Variants in HEMK2 observed in about 807,000 individuals in gnomAD.
The protein encoded by HEMK2 is methyltransferase HEMK2.
chr21:28,578,561 G>A, the HEMK2 span, among the ~76,000 whole-genome samples: 2 of 152,168 alleles, frequency 1.3e-5, no homozygotes, highest in African/African-American at 2.4e-5. Flanking sequence ...AGGTGTGGGA[G>A]GCAGGTTTAG....
At chr21:28,713,965 T>C in the HEMK2 span, among the ~76,000 whole-genome samples, 3 of 152,246 alleles carry the variant, frequency 2.0e-5, no homozygotes, top group Non-Finnish European at 4.4e-5. Context: ...AAGTTACTTG[T>C]TCATCAGGAA....
the HEMK2 span, among the ~76,000 whole-genome samples, chr21:28,588,901 T>C: frequency 1.3e-5 from 2 of 149,032 alleles, no homozygotes; most frequent in Admixed American, 1.4e-4. Context: ...GAGAATGGCA[T>C]GAACCCAGGA....
At chr21:28,618,836 T>C in the HEMK2 span, among the ~76,000 whole-genome samples, 2 of 152,210 alleles carry the variant, frequency 1.3e-5, no homozygotes, top group African/African-American at 4.8e-5. Flanking sequence ...CATTCAAGTT[T>C]ATATGTAATA....
the HEMK2 span, among the ~76,000 whole-genome samples, chr21:28,687,739 C>T: frequency 5.3e-5 from 8 of 152,038 alleles, no homozygotes; most frequent in South Asian, 2.1e-4. Flanking sequence ...TGTAAAAGTA[C>T]GTGACAAGGG....
At chr21:28,882,720 A>G in the HEMK2 span, among the ~76,000 whole-genome samples, 2 of 152,240 alleles carry the variant, frequency 1.3e-5, no homozygotes, top group African/African-American at 4.8e-5. Flanking sequence ...TATAAATTTA[A>G]GCAACTTTAA....
chr21:28,730,794 C>T, the HEMK2 span, among the ~76,000 whole-genome samples: 3 of 152,150 alleles, frequency 2.0e-5, no homozygotes, highest in Admixed American at 6.5e-5. Flanking sequence ...GAAGTCATAT[C>T]TCACCACTTT....
the HEMK2 span, chr21:28,885,213 C>T: frequency 1.0e-5 from 16 of 1,576,890 alleles, no homozygotes; most frequent in Non-Finnish European, 1.4e-5. Flanking sequence ...TCCTCGCACC[C>T]TGCCAGTTCG....
the HEMK2 span, among the ~76,000 whole-genome samples, chr21:28,819,799 C>T: frequency 7.2e-5 from 11 of 152,182 alleles, no homozygotes; most frequent in African/African-American, 2.6e-4. Flanking sequence ...CCACCCACCT[C>T]GGCCTCCCAA....
the HEMK2 span, among the ~76,000 whole-genome samples, chr21:28,793,365 T>G: frequency 6.6e-6 from 1 of 152,352 alleles, no homozygotes; most frequent in Admixed American, 6.5e-5. Flanking sequence ...ATGCACCTAT[T>G]TGTCAAAAGA....
At chr21:28,848,904 C>A in the HEMK2 span, among the ~76,000 whole-genome samples, 11,574 of 152,230 alleles carry the variant, frequency 0.076, 517 homozygotes, top group African/African-American at 0.11. Context: ...CAGACACCAG[C>A]AACCCTGCCC....
chr21:28,699,091 T>C, the HEMK2 span, among the ~76,000 whole-genome samples: 2 of 152,206 alleles, frequency 1.3e-5, no homozygotes, highest in African/African-American at 4.8e-5. Flanking sequence ...CTCAAATTAT[T>C]GTTGGAAGTC....
At chr21:28,744,746 G>A in the HEMK2 span, among the ~76,000 whole-genome samples, 1 of 152,142 alleles carries the variant, frequency 6.6e-6, no homozygotes, top group Non-Finnish European at 1.5e-5. Context: ...ATGCATTACA[G>A]AGAGCTATTT....
the HEMK2 span, among the ~76,000 whole-genome samples, chr21:28,878,919 T>A: frequency 2.7e-5 from 4 of 148,222 alleles, no homozygotes; most frequent in Admixed American, 6.8e-5. Context: ...TGCATTTATT[T>A]ATTATATTTA....
chr21:28,708,269 T>C, the HEMK2 span, among the ~76,000 whole-genome samples: 1 of 152,192 alleles, frequency 6.6e-6, no homozygotes, highest in African/African-American at 2.4e-5. Context: ...ATGTGGAAAC[T>C]TAAAGATCTT....
chr21:28,728,490 A>G, the HEMK2 span, among the ~76,000 whole-genome samples: 1 of 112,828 alleles, frequency 8.9e-6, no homozygotes, highest in Non-Finnish European at 1.7e-5. Flanking sequence ...ATCCATGAAC[A>G]TGGAAGAACT....
chr21:28,877,448 T>TG, the HEMK2 span, among the ~76,000 whole-genome samples: 1 of 123,378 alleles, frequency 8.1e-6, no homozygotes, highest in African/African-American at 3.1e-5. Flanking sequence ...GAAGGACAGA[T>TG]GGACAGAAGG....
At chr21:28,654,253 C>T in the HEMK2 span, among the ~76,000 whole-genome samples, 3 of 152,096 alleles carry the variant, frequency 2.0e-5, no homozygotes, top group Non-Finnish European at 4.4e-5. Context: ...TCCTTATAGG[C>T]CATTAATTTG....
chr21:28,746,145 T>C, the HEMK2 span, among the ~76,000 whole-genome samples: 2 of 152,256 alleles, frequency 1.3e-5, no homozygotes, highest in Non-Finnish European at 2.9e-5. Flanking sequence ...TTTTGTTTTA[T>C]ATGTATAACA....
At chr21:28,854,041 C>T in the HEMK2 span, among the ~76,000 whole-genome samples, 3 of 152,310 alleles carry the variant, frequency 2.0e-5, no homozygotes, top group Admixed American at 2.0e-4. Flanking sequence ...TCAGGGCTAT[C>T]TTAGCAGATT....
Sources: gnomAD v4.1 joint callset for allele counts (sites outside exome capture counted in the v4.1 genomes callset) on GRCh38, gnomAD v4.1.1 for gene constraint, MANE v1.5 for transcripts, NCBI Gene and HGNC (gene_info 2026-07-23, HGNC 2026-07-21) for gene names.